The following PPIF variants were observed in gnomAD, a reference collection of about 807,000 sequenced individuals.
PPIF encodes the protein peptidyl-prolyl cis-trans isomerase F, mitochondrial.
In PPIF, 23 loss-of-function variants were observed where a neutral mutation model predicts 20.2. The ratio of observed to expected loss-of-function variants is 1.14; its 90% CI spans 0.82 to 1.61. PPIF has a LOEUF of 1.61. Ranked by LOEUF, PPIF falls within the 40% of genes most tolerant of loss-of-function variation. PPIF has a pLI of 0.00. For synonymous variants in PPIF, 113 were observed against 123.1 expected (o/e 0.92, Z 0.54); for missense variants, 287 against 291.6 (o/e 0.98, Z 0.11).
At chr10:79,347,858 G>C (rs1450817976) in intron 1 of PPIF, 115 bp downstream of exon 1, 1 of 1,221,790 alleles carries the variant, frequency 8.2e-7, no homozygotes, top group Non-Finnish European at 1.0e-6. Context: ...CCCATGCCGA[G>C]CTCTGGGCCT....
intron 1 of PPIF, among the ~76,000 whole-genome samples, chr10:79,348,075 A>G (rs1855924536): frequency 6.6e-6 from 1 of 151,876 alleles, no homozygotes; most frequent in Admixed American, 6.6e-5. Flanking sequence ...CTAGATCCGG[A>G]GCTCCGAGGT....
At chr10:79,352,861 AT>A (rs1393988599) in intron 5 of PPIF, among the ~76,000 whole-genome samples, 1 of 152,252 alleles carries the variant, frequency 6.6e-6, no homozygotes, top group Non-Finnish European at 1.5e-5. Flanking sequence ...CCTCTGTATT[AT>A]CATAAACCTG....
rs1230818366 is a variant in PPIF, at chr10:79,353,780, G to A, written c.562G>A (p.Gly188Ser). 10 of 1,614,230 alleles carry A rather than the reference G, an allele frequency of 6.2e-6. No homozygotes were observed. The highest frequency in any genetic ancestry group is 3.3e-5 in the Admixed American group (2 of 60,030). Residue 188 changes from glycine (G) to serine (S), a missense_variant, in exon 6 of 6, where the codon GGC becomes AGC. By Grantham distance (56) the Gly-to-Ser change is moderately conservative. Transcript: ENST00000225174. The part of the protein sequence containing the change: ...MDVVKKIESF[G>S]SKSGRTSKKI... ...CGTCGTGAAGAAAATAGAATCTTTCGGCTCTAAGAGTGGGAGGACATCCAA... is the reference window on the plus strand; with the variant it reads ...CGTCGTGAAGAAAATAGAATCTTTCAGCTCTAAGAGTGGGAGGACATCCAA...
rs1397810996 is a variant in PPIF at position 79,354,279 on chromosome 10, G to A, written c.*437G>A. 1.1e-5 allele frequency: 2 copies of A among 174,618 alleles called. No homozygotes were observed. Among genetic ancestry groups the A allele is most frequent in the African/African-American group, 4.8e-5 (2 of 41,844 alleles). The allele number at this position is 174,618 out of a possible 1,614,324, so 10.8% of individuals were successfully genotyped here. On this transcript the variant is annotated 3_prime_UTR_variant, in exon 6 of 6. Coordinates refer to ENST00000225174, the MANE Select transcript of PPIF (RefSeq NM_005729.4). Reference sequence around the variant, plus strand: ...ATTTAATTAACAAGATTGACTAGAAGTGAAACTGCAACACTAACTTCCCCG... The same window carrying A: ...ATTTAATTAACAAGATTGACTAGAAATGAAACTGCAACACTAACTTCCCCG...
intron 2 of PPIF, 28 bp from the exon 3 acceptor site, chr10:79,349,627 CCTGGCCCTGT>C: frequency 6.2e-7 from 1 of 1,611,578 alleles, no homozygotes; most frequent in Non-Finnish European, 8.5e-7. Context: ...GGAATTGGGG[CCTGGCCCTGT>C]TGACCTGTGT....
intron 3 of PPIF, 159 bp downstream of exon 3, chr10:79,349,912 T>C: frequency 7.0e-7 from 1 of 1,435,822 alleles, no homozygotes; most frequent in South Asian, 1.4e-5. Flanking sequence ...CAGGCTTCAC[T>C]GCACATGGAA....
At chr10:79,351,001 T>C (rs1172956433) in intron 3 of PPIF, among the ~76,000 whole-genome samples, 1 of 152,126 alleles carries the variant, frequency 6.6e-6, no homozygotes, top group Admixed American at 6.5e-5. Context: ...CTGTCCTGGG[T>C]CTGCAAGGGT....
chr10:79,351,501 C>T lies in PPIF; in HGVS notation c.330C>T (p.Thr110=). Residue 110 remains threonine (T), a synonymous_variant, in exon 4 of 6, where the codon ACC becomes ACT. Transcript: ENST00000225174. The part of the protein sequence containing the change: ...PSFMCQAGDF[T]NHNGTGGKSI... Reference sequence around the variant, plus strand: ...TGTGCTCACAGGCGGGCGACTTCACCAACCACAATGGCACAGGCGGGAAGT... The same window carrying T: ...TGTGCTCACAGGCGGGCGACTTCACTAACCACAATGGCACAGGCGGGAAGT... 6.2e-7 allele frequency: 1 copy of T among 1,614,014 alleles called. No individual in the cohort carries two copies. The highest frequency in any genetic ancestry group is 1.3e-5 in the African/African-American group (1 of 75,052).
At chr10:79,351,463 T>G (rs1191369375) in intron 3 of PPIF, 24 bp from the exon 4 acceptor site, 6 of 1,612,592 alleles carry the variant, frequency 3.7e-6, no homozygotes, top group African/African-American at 1.3e-5. Context: ...TGGTAGCCAC[T>G]CAGAAGGTGC....
intron 4 of PPIF, 81 bp from the exon 5 acceptor site, chr10:79,352,236 T>C: frequency 1.6e-6 from 2 of 1,286,766 alleles, no homozygotes; most frequent in African/African-American, 1.5e-5. Flanking sequence ...CTGGTGTGGT[T>C]TGCACCGTCT....
At chr10:79,352,544 AAAGT>A (rs780235560) in intron 5 of PPIF, 152 bp downstream of exon 5, 2 of 765,428 alleles carry the variant, frequency 2.6e-6, no homozygotes, top group Non-Finnish European at 4.2e-6. Context: ...TGAGAAAGAG[AAAGT>A]TAGTGGAAGG....
chr10:79,349,586 C>T, intron 2 of PPIF, 79 bp from the exon 3 acceptor site: 1 of 1,588,570 alleles, frequency 6.3e-7, no homozygotes, highest in South Asian at 1.1e-5. Context: ...GGGGATGTAG[C>T]AGGGATTTTG....
rs769794649 is a variant in PPIF, at chr10:79,351,620, A to G, written c.412+37A>G. On this transcript the variant is annotated intron_variant, in intron 4 of 5. Coordinates refer to ENST00000225174, the MANE Select transcript of PPIF (RefSeq NM_005729.4). ...CCTCCTCTAGGGTGAGTGTCCCCAC[A>G]GCTCTGACCTGGCCTGGAAGCCCCA... 9 of 1,588,868 alleles carry G rather than the reference A, an allele frequency of 5.7e-6. No homozygotes were observed. The Admixed American group carries it at 1.0e-4, about 18-fold the overall frequency.
chr10:79,347,505 T>A lies in PPIF; in HGVS notation c.-44T>A. The A allele has an allele frequency of 7.9e-7, 1 of 1,270,874 alleles. No homozygotes were observed. Among genetic ancestry groups the A allele is most frequent in the Non-Finnish European group, 9.9e-7 (1 of 1,011,442 alleles). The allele number at this position is 1,270,874 out of a possible 1,614,324, so 78.7% of individuals were successfully genotyped here. A position where few individuals can be genotyped will look rare whatever the true frequency, so the allele number is the denominator to read the frequency against. On this transcript the variant is annotated 5_prime_UTR_variant, in exon 1 of 6. Coordinates refer to ENST00000225174, the MANE Select transcript of PPIF (RefSeq NM_005729.4). ...TGGGCGCGCGCGACGTCAGTTTGAG[T>A]TCTGTGTTCTCCCCGCCCGTGTCCC...
intron 5 of PPIF, 119 bp downstream of exon 5, chr10:79,352,511 C>G: frequency 2.1e-6 from 2 of 968,224 alleles, no homozygotes; most frequent in Middle Eastern, 2.1e-4. Context: ...GACAGTGGCC[C>G]TCTCCCAGGC....
chr10:79,351,739 T>G, intron 4 of PPIF, 156 bp downstream of exon 4: 1 of 645,708 alleles, frequency 1.5e-6, no homozygotes, highest in Non-Finnish European at 2.6e-6. Flanking sequence ...CATTTCTGGC[T>G]TGTTGAGTTT....
chr10:79,353,575 G>T, intron 5 of PPIF, 132 bp from the exon 6 acceptor site: 1 of 1,509,890 alleles, frequency 6.6e-7, no homozygotes, highest in Non-Finnish European at 9.1e-7. Context: ...CGAGCTTTGG[G>T]GGTAGATCTA....
intron 5 of PPIF, among the ~76,000 whole-genome samples, chr10:79,352,858 A>G (rs1314722441): frequency 6.6e-6 from 1 of 152,200 alleles, no homozygotes; most frequent in Non-Finnish European, 1.5e-5. Context: ...AAGCCTCTGT[A>G]TTATCATAAA....
Position 79,347,664 on chromosome 10 carries a change from C to T in PPIF, c.116C>T (p.Ser39Phe). ...AGCAAGGGCTCCGGCGACCCGTCCT[C>T]TTCCTCCTCCTCCGGGAACCCGCTC... is the stretch of plus-strand genomic sequence containing the variant. ...ACSKGSGDPS[S>F]SSSSGNPLVY... Residue 39 changes from serine (S) to phenylalanine (F), a missense_variant, in exon 1 of 6, where the codon TCT becomes TTT. Ser to Phe is a radical substitution (Grantham distance 155, BLOSUM62 -2). Coordinates refer to ENST00000225174, the MANE Select transcript of PPIF (RefSeq NM_005729.4). 3 of 1,473,576 alleles carry T rather than the reference C, an allele frequency of 2.0e-6. No homozygotes were observed. Among genetic ancestry groups the T allele is most frequent in the Non-Finnish European group, 2.7e-6 (3 of 1,108,838 alleles). The allele number at this position is 1,473,576 out of a possible 1,614,324, so 91.3% of individuals were successfully genotyped here. A position where few individuals can be genotyped will look rare whatever the true frequency, so the allele number is the denominator to read the frequency against.
Sources: gnomAD v4.1 joint callset for allele counts (sites outside exome capture counted in the v4.1 genomes callset) on GRCh38, gnomAD v4.1.1 for gene constraint, MANE v1.5 for transcripts, NCBI Gene and HGNC (gene_info 2026-07-23, HGNC 2026-07-21) for gene names.